Variants in ANKRD36 observed in about 807,000 individuals in gnomAD.
The protein encoded by ANKRD36 is ankyrin repeat domain 36.
In ANKRD36, 179 loss-of-function variants were observed where a neutral mutation model predicts 278.1. The ratio of observed to expected loss-of-function variants is 0.64; its 90% CI spans 0.57 to 0.73. The LOEUF (loss-of-function observed/expected upper bound fraction) is 0.73, where lower values mean the gene tolerates loss of function less well. ANKRD36 is among the 30% of genes least tolerant of loss of function. The probability of loss-of-function intolerance (pLI) is 0.00; values close to 1 mark genes in which losing one functional copy is unlikely to be tolerated. For missense variants in ANKRD36, 1,159 were observed against 1,956.7 expected (o/e 0.59, Z 7.69); for synonymous variants, 320 against 641.1 (o/e 0.50, Z 7.57).
At chr2:97,145,963 A>G (rs1331768024) in intron 10 of ANKRD36, among the ~76,000 whole-genome samples, 1 of 151,918 alleles carries the variant, frequency 6.6e-6, no homozygotes, top group Non-Finnish European at 1.5e-5. Flanking sequence ...CGGCAAGTCA[A>G]AGAGCATGAT....
intron 22 of ANKRD36, among the ~76,000 whole-genome samples, chr2:97,170,428 A>C (rs1324408026): frequency 6.6e-6 from 1 of 152,050 alleles, no homozygotes; most frequent in Non-Finnish European, 1.5e-5. Context: ...GATCTTTGAC[A>C]AACCTGACAA....
intron 14 of ANKRD36, among the ~76,000 whole-genome samples, chr2:97,153,600 G>T (rs1270611001): frequency 6.8e-6 from 1 of 146,948 alleles, no homozygotes; most frequent in Admixed American, 6.7e-5. Flanking sequence ...TTGCACTCAG[G>T]TTTCTTAGTT....
intron 46 of ANKRD36, among the ~76,000 whole-genome samples, chr2:97,200,980 G>A (rs1178181788): frequency 4.3e-4 from 65 of 151,838 alleles, no homozygotes; most frequent in Non-Finnish European, 7.1e-4. Context: ...GAATGAAGAC[G>A]GATTGTGAGG....
chr2:97,129,523 G>C (rs2039514292), intron 6 of ANKRD36, among the ~76,000 whole-genome samples: 1 of 152,078 alleles, frequency 6.6e-6, no homozygotes, highest in Admixed American at 6.6e-5. Flanking sequence ...TGCTTTTGGT[G>C]TTTTAGACGT....
intron 5 of ANKRD36, among the ~76,000 whole-genome samples, chr2:97,126,516 T>C (rs2038689231): frequency 6.6e-6 from 1 of 151,902 alleles, no homozygotes; most frequent in Non-Finnish European, 1.5e-5. Context: ...ATAAGCAAAA[T>C]TAGGACTTAA....
intron 50 of ANKRD36, among the ~76,000 whole-genome samples, chr2:97,204,844 T>C (rs1469779002): frequency 6.6e-6 from 1 of 151,560 alleles, no homozygotes; most frequent in Non-Finnish European, 1.5e-5. Flanking sequence ...TATTTGATTT[T>C]CGCTGCTCCA....
intron 64 of ANKRD36, 132 bp downstream of exon 64, chr2:97,217,504 T>C (rs1221452691): frequency 7.9e-7 from 1 of 1,265,918 alleles, no homozygotes; most frequent in African/African-American, 1.5e-5. Context: ...TGTGCATTTC[T>C]ACTGAGTTGT....
chr2:97,192,556 A>C (rs1458394901), intron 36 of ANKRD36, among the ~76,000 whole-genome samples: 1 of 151,752 alleles, frequency 6.6e-6, no homozygotes, highest in Non-Finnish European at 1.5e-5. Flanking sequence ...CTCTGATTTT[A>C]GATCACATTT....
intron 50 of ANKRD36, among the ~76,000 whole-genome samples, 155 bp from the exon 51 acceptor site, chr2:97,205,785 G>C (rs538121974): frequency 2.6e-5 from 4 of 151,516 alleles, no homozygotes; most frequent in South Asian, 2.1e-4. Context: ...CAGTGTATTT[G>C]TGTCATTTTC....
intron 6 of ANKRD36, among the ~76,000 whole-genome samples, chr2:97,137,559 T>A (rs2041841243): frequency 6.7e-6 from 1 of 149,068 alleles, no homozygotes; most frequent in South Asian, 2.1e-4. Flanking sequence ...GTAGCTGAGA[T>A]TACAGGAACA....
At chr2:97,240,982 GTTTTTTTTT>G (rs763385352) in intron 68 of ANKRD36, among the ~76,000 whole-genome samples, 3 of 52,998 alleles carry the variant, frequency 5.7e-5, no homozygotes, top group East Asian at 8.8e-4. Flanking sequence ...ACATAACTAT[GTTTTTTTTT>G]TTTTTTTTTT....
At position 97,179,776 on chromosome 2, in the gene ANKRD36, G is replaced by A; in HGVS notation, c.1662+10G>A. ...ACAACCAGCTGAGAAGGTAATTAAAGTCTCATTTATATGTTGAACTATTAA... is the reference window on the plus strand; with the variant it reads ...ACAACCAGCTGAGAAGGTAATTAAAATCTCATTTATATGTTGAACTATTAA... On this transcript the variant is annotated intron_variant, in intron 23 of 75. Transcript: ENST00000420699. 6.3e-7 allele frequency: 1 copy of A among 1,594,404 alleles called. No individual in the cohort carries two copies. Among genetic ancestry groups the A allele is most frequent in the Middle Eastern group, 2.2e-4 (1 of 4,520 alleles).
chr2:97,168,670 A>T (rs199934936), intron 22 of ANKRD36, among the ~76,000 whole-genome samples: 62 of 121,540 alleles, frequency 5.1e-4, no homozygotes, highest in Middle Eastern at 4.8e-3. Flanking sequence ...ATGTGTTCTC[A>T]TTGTTCAACT....
intron 6 of ANKRD36, among the ~76,000 whole-genome samples, chr2:97,142,080 T>C (rs2923984): frequency 1.2e-3 from 187 of 151,980 alleles, no homozygotes; most frequent in African/African-American, 4.2e-3. Context: ...GAATACTGTC[T>C]ACTAGGATTC....
chr2:97,166,628 ACT>A lies in ANKRD36; in HGVS notation c.1532-948_1532-947del, dbSNP rs1458088178. Among the ~76,000 whole-genome samples, 38 of 151,628 alleles carry A rather than the reference ACT, an allele frequency of 2.5e-4. No homozygotes were observed. In the East Asian group the frequency reaches 2.5e-3, roughly 10 times the overall value. On this transcript the variant is annotated intron_variant, in intron 20 of 75. Transcript: ENST00000420699. The stretch of plus-strand genomic sequence containing the variant: ...GTTTCTGATGAGGAAACCTGAGAAC[ACT>A]GACTTTATGTGGACCTGGTATATTC...
chr2:97,211,915 G>A (rs1405594389), intron 58 of ANKRD36, among the ~76,000 whole-genome samples, 174 bp downstream of exon 58: 1 of 151,862 alleles, frequency 6.6e-6, no homozygotes, highest in Non-Finnish European at 1.5e-5. Flanking sequence ...CCTTGGCCAT[G>A]ATGGAAGTAC....
chr2:97,118,048 C>T lies in ANKRD36; in HGVS notation c.198-16C>T. 1 of 1,548,268 alleles carries T rather than the reference C, an allele frequency of 6.5e-7. No individual in the cohort carries two copies. The highest frequency in any genetic ancestry group is 2.4e-5 in the East Asian group (1 of 40,942). On this transcript the variant is annotated splice_polypyrimidine_tract_variant and intron_variant, in intron 1 of 75. Transcript: ENST00000420699. ...CTTACAGTTACATGTTTTAAAAAGTCCTGTCACTCTCACAGGACCGCCCTA... is the reference window on the plus strand; with the variant it reads ...CTTACAGTTACATGTTTTAAAAAGTTCTGTCACTCTCACAGGACCGCCCTA...
intron 12 of ANKRD36, among the ~76,000 whole-genome samples, chr2:97,150,507 G>C (rs2045628710): frequency 6.6e-6 from 1 of 152,180 alleles, no homozygotes; most frequent in Non-Finnish European, 1.5e-5. Context: ...TCTCATGATG[G>C]AATGTTACAG....
At chr2:97,149,797 C>CAT (rs2045436441) in intron 12 of ANKRD36, among the ~76,000 whole-genome samples, 3 of 151,692 alleles carry the variant, frequency 2.0e-5, no homozygotes, top group Admixed American at 2.0e-4. Flanking sequence ...CTCTGTTACA[C>CAT]ATAGCATATA....
Sources: allele counts gnomAD v4.1 joint callset (sites outside exome capture counted in the v4.1 genomes callset), GRCh38; gene constraint gnomAD v4.1.1; transcripts MANE v1.5; gene names NCBI Gene and HGNC (gene_info 2026-07-23, HGNC 2026-07-21).